ATP2A2: variants seen among roughly 807,000 people sequenced by gnomAD.
The protein encoded by ATP2A2 is sarcoplasmic/endoplasmic reticulum calcium ATPase 2.
A neutral mutation model predicts 109.3 loss-of-function variants in ATP2A2; 14 were observed. The observed-to-expected ratio is 0.13, with a 90% CI of 0.08 to 0.20. The LOEUF is 0.20. ATP2A2 is among the 10% of genes least tolerant of loss of function. ATP2A2 has a pLI of 1.00. For missense variants in ATP2A2, 657 were observed against 1,321.6 expected, an observed-to-expected ratio of 0.50 and a Z score of 7.80; for synonymous variants, 506 against 490.9, an observed-to-expected ratio of 1.03 and a Z score of -0.41.
chr12:110,327,750 T>G lies in ATP2A2; in HGVS notation c.828T>G (p.Ile276Met). ...GCATTGCAGTCTGGATCATAAATAT[T>G]GGGCACTTCAATGACCCGGTTCATG... ...LICIAVWIIN[I>M]GHFNDPVHGG... Residue 276 changes from isoleucine to methionine, a missense_variant, in exon 8 of 20, where the codon ATT (isoleucine) becomes ATG (methionine). Physicochemically the swap from Ile to Met is conservative, Grantham distance 10 (BLOSUM62 1). Coordinates refer to ENST00000539276, the MANE Select transcript of ATP2A2 (RefSeq NM_170665.4). This position sits in a 1 kb window ranked among gnomAD's most constrained non-coding sequence, Gnocchi z 4.4. 6.2e-7 allele frequency: 1 copy of G among 1,614,170 alleles called. No individual in the cohort carries two copies. Among genetic ancestry groups the G allele is most frequent in the Non-Finnish European group, 8.5e-7 (1 of 1,180,030 alleles).
intron 3 of ATP2A2, among the ~76,000 whole-genome samples, chr12:110,290,787 G>A (rs1245804042): frequency 6.6e-6 from 1 of 151,754 alleles, no homozygotes; most frequent in Non-Finnish European, 1.5e-5. Context: ...TGTGTTTCTA[G>A]TAGAGGTGGT....
chr12:110,281,803 A>G lies in ATP2A2; in HGVS notation c.14A>G (p.His5Arg). MENA[H>R]TKTVEEVLGH... is the part of the protein sequence containing the mutation. ...GCCCCCGAAGCCATGGAGAACGCGC[A>G]CACCAAGACGGTGGAGGAGGTGCTG... The change falls in exon 1 of 20, where the codon CAC (histidine) becomes CGC (arginine). Residue 5 changes from histidine to arginine, a missense_variant. By Grantham distance (29) the His-to-Arg change is conservative. Around this residue, in one of 9 missense-constraint regions of ATP2A2, gnomAD observed 64 missense variants for 65.4 expected, o/e 0.98. Transcript: ENST00000539276. 6.6e-7 allele frequency: 1 copy of G among 1,525,434 alleles called. No homozygotes were observed. The highest frequency in any genetic ancestry group is 2.6e-5 in the East Asian group (1 of 38,238). The allele number at this position is 1,525,434 out of a possible 1,614,324, so 94.5% of individuals were successfully genotyped here.
chr12:110,341,330 T>TAAAA (rs1453336339), intron 14 of ATP2A2, among the ~76,000 whole-genome samples: 8 of 152,144 alleles, frequency 5.3e-5, no homozygotes, highest in Non-Finnish European at 1.2e-4. Flanking sequence ...ACCCTGCTTT[T>TAAAA]AAGTTCTTTA....
At chr12:110,300,483 T>G (rs1566208951) in intron 5 of ATP2A2, among the ~76,000 whole-genome samples, 2 of 151,056 alleles carry the variant, frequency 1.3e-5, no homozygotes, top group Non-Finnish European at 2.9e-5. Flanking sequence ...GCCTCCCCAG[T>G]AGCTGTGACT....
In ATP2A2 at chr12:110,281,726, A is replaced by C; in HGVS notation, c.-64A>C. ...CGGGGTGGCACGAGCCCGCGGCCGG[A>C]GTGCGAGGCGGAGGCGAGGAGGCCG... On this transcript the variant is annotated 5_prime_UTR_variant, in exon 1 of 20. Coordinates refer to ENST00000539276, the MANE Select transcript of ATP2A2 (RefSeq NM_170665.4). The C allele has an allele frequency of 8.4e-7, 1 of 1,190,398 alleles. No homozygotes were observed. Among genetic ancestry groups the C allele is most frequent in the East Asian group, 3.2e-5 (1 of 31,014 alleles). 73.7% of individuals were successfully genotyped at this position (1,190,398 alleles called of 1,614,324 possible).
chr12:110,292,433 A>G (rs1873418599), intron 4 of ATP2A2, among the ~76,000 whole-genome samples: 1 of 151,872 alleles, frequency 6.6e-6, no homozygotes, highest in African/African-American at 2.4e-5. Context: ...CGCCCAGCTC[A>G]TTTTTGTATT....
Position 110,349,293 on chromosome 12 carries a change from G to C in ATP2A2, c.*2823G>C. 1 of 985,492 alleles carries C rather than the reference G, an allele frequency of 1.0e-6. No homozygotes were observed. Among genetic ancestry groups the C allele is most frequent in the South Asian group, 4.7e-5 (1 of 21,290 alleles). 61.0% of individuals were successfully genotyped at this position (985,492 alleles called of 1,614,324 possible). A position where few individuals can be genotyped will look rare whatever the true frequency, so the allele number is the denominator to read the frequency against. Reference sequence around the variant, plus strand: ...CTCACCTAACAGTGAGGCAGCAGCTGCCCAGCCCCGCAATGTGCCTGCTGT... The same window carrying C: ...CTCACCTAACAGTGAGGCAGCAGCTCCCCAGCCCCGCAATGTGCCTGCTGT... On this transcript the variant is annotated 3_prime_UTR_variant, in exon 20 of 20. Coordinates refer to ENST00000539276, the MANE Select transcript of ATP2A2 (RefSeq NM_170665.4).
chr12:110,326,582 TCA>T (rs1877826315), intron 7 of ATP2A2, 107 bp downstream of exon 7: 1 of 1,076,480 alleles, frequency 9.3e-7, no homozygotes, highest in Non-Finnish European at 1.4e-6. Flanking sequence ...TAAAGGATAA[TCA>T]CACTTTTCAT....
intron 5 of ATP2A2, among the ~76,000 whole-genome samples, chr12:110,312,220 A>G (rs1876157861): frequency 1.3e-5 from 2 of 152,042 alleles, no homozygotes; most frequent in Admixed American, 1.3e-4. Context: ...GGGAGCCTTA[A>G]GATTTTGCAC....
intron 3 of ATP2A2, among the ~76,000 whole-genome samples, chr12:110,290,056 T>G (rs1445778741): frequency 6.6e-6 from 1 of 152,258 alleles, no homozygotes; most frequent in Non-Finnish European, 1.5e-5. Flanking sequence ...ATTTTTGGAC[T>G]TAGGTTATCT....
At chr12:110,282,319 A>G (rs1385408327) in intron 1 of ATP2A2, among the ~76,000 whole-genome samples, 5 of 152,222 alleles carry the variant, frequency 3.3e-5, no homozygotes, top group South Asian at 2.1e-4. Context: ...AAGTGATGAC[A>G]TCGCTGAAAC....
intron 8 of ATP2A2, 83 bp downstream of exon 8, chr12:110,328,100 A>T: frequency 1.5e-6 from 2 of 1,377,008 alleles, no homozygotes; most frequent in South Asian, 2.4e-5. Context: ...AAAACTTTTG[A>T]TTTGTAATTT....
intron 8 of ATP2A2, chr12:110,330,686 C>T (rs1303427310): frequency 1.3e-5 from 2 of 151,794 alleles, no homozygotes. Context: ...AAAATGTTTT[C>T]TTATAATAAA....
rs1397549159 is a variant in ATP2A2 at position 110,350,290 on chromosome 12, A to G, written c.*3820A>G. On this transcript the variant is annotated 3_prime_UTR_variant, in exon 20 of 20. Coordinates refer to ENST00000539276, the MANE Select transcript of ATP2A2 (RefSeq NM_170665.4). ...CTGATTTCCTCTCTCTTTCCTTTTC[A>G]GCAATACTGGAGTAACCGCTTCCTA... is the stretch of plus-strand genomic sequence containing the variant. 6.2e-7 allele frequency: 1 copy of G among 1,614,132 alleles called. No homozygotes were observed. The highest frequency in any genetic ancestry group is 8.5e-7 in the Non-Finnish European group (1 of 1,180,036).
chr12:110,342,490 T>TA lies in ATP2A2; in HGVS notation c.2318+45dup, dbSNP rs752920333. 1.3e-6 allele frequency: 2 copies of TA among 1,596,786 alleles called. No individual in the cohort carries two copies. Among genetic ancestry groups the TA allele is most frequent in the Non-Finnish European group, 1.7e-6 (2 of 1,167,620 alleles). ...GCATCACTTACTGTACGCCTTTATCTAAATGGGTCATGGAGCCCAGTTCTC... is the reference window on the plus strand; with the variant it reads ...GCATCACTTACTGTACGCCTTTATCTAAAATGGGTCATGGAGCCCAGTTCTC... On this transcript the variant is annotated intron_variant, in intron 15 of 19. Transcript: ENST00000539276. This position sits in a 1 kb window ranked among gnomAD's most constrained non-coding sequence, Gnocchi z 4.6.
rs866986269 is a variant in ATP2A2, at chr12:110,287,264, T to C, written c.219+4469T>C. Among the ~76,000 whole-genome samples the C allele has an allele frequency of 1.4e-4, 22 of 152,164 alleles. No homozygotes were observed. The South Asian group carries it at 3.1e-3, about 22-fold the overall frequency. On this transcript the variant is annotated intron_variant, in intron 3 of 19. Transcript: ENST00000539276. ...TGAGACTCCGTCTCAAAAAAAAATT[T>C]TTTTTTTGCTTTAGTATACTTATCA...
chr12:110,313,473 C>T (rs185912843), intron 5 of ATP2A2, among the ~76,000 whole-genome samples: 31 of 151,424 alleles, frequency 2.0e-4, no homozygotes, highest in African/African-American at 6.3e-4. Flanking sequence ...CCACAATGTC[C>T]GGCTAATTTT....
intron 16 of ATP2A2, 61 bp from the exon 17 acceptor site, chr12:110,344,825 G>C: frequency 6.5e-7 from 1 of 1,531,820 alleles, no homozygotes; most frequent in Non-Finnish European, 9.0e-7. Flanking sequence ...GGCCTGCATG[G>C]CCTCGGTGGC....
intron 5 of ATP2A2, among the ~76,000 whole-genome samples, chr12:110,303,343 T>G (rs1248420265): frequency 6.6e-6 from 1 of 152,096 alleles, no homozygotes; most frequent in African/African-American, 2.4e-5. Context: ...TTCTCCTGCT[T>G]CAGTCTCCCG....
Sources: gnomAD v4.1 joint callset for allele counts (sites outside exome capture counted in the v4.1 genomes callset) on GRCh38, gnomAD v4.1.1 for gene constraint, gnomAD v4.1.1 regional missense constraint, Gnocchi (gnomAD v3.1) non-coding constraint, MANE v1.5 for transcripts, NCBI Gene and HGNC (gene_info 2026-07-23, HGNC 2026-07-21) for gene names.